CTNNA3: variants seen among roughly 807,000 people sequenced by gnomAD.
CTNNA3 encodes the protein catenin alpha 3.
In CTNNA3, 76 loss-of-function variants were observed where a neutral mutation model predicts 95.7. That is an observed-to-expected ratio of 0.79 (90% CI 0.66 to 0.96). The LOEUF (loss-of-function observed/expected upper bound fraction) is 0.96, where lower values mean the gene tolerates loss of function less well. Among genes scored for constraint, CTNNA3 ranks in the 40% least tolerant of loss-of-function variants. The probability of loss-of-function intolerance (pLI) is 0.00; values close to 1 mark genes in which losing one functional copy is unlikely to be tolerated. For missense variants in CTNNA3, 1,191 were observed against 1,089.8 expected (o/e 1.09, Z -1.31); for synonymous variants, 431 against 374.4 (o/e 1.15, Z -1.74).
Position 67,208,936 on chromosome 10 carries a change from T to C in CTNNA3, c.843+10671A>G, listed in dbSNP as rs182926201. On this transcript the variant is annotated intron_variant, in intron 6 of 17. Transcript: ENST00000433211. ...AGACAAATTGAATCAGAGTAGACAC[T>C]ATTAAAATAAAGAGGAACATTTTAT... 1.2e-4 allele frequency among the ~76,000 whole-genome samples: 19 copies of C among 152,258 alleles called. No individual in the cohort carries two copies. The East Asian group carries it at 3.1e-3, about 25-fold the overall frequency.
intron 15 of CTNNA3, among the ~76,000 whole-genome samples, chr10:66,048,601 A>G (rs924331270): frequency 2.0e-5 from 3 of 152,110 alleles, no homozygotes; most frequent in African/African-American, 4.8e-5. Context: ...TCTACTAAAA[A>G]TACAAAAAAA....
chr10:67,659,424 A>G (rs1253838342), intron 1 of CTNNA3, among the ~76,000 whole-genome samples: 1 of 152,256 alleles, frequency 6.6e-6, no homozygotes, highest in Non-Finnish European at 1.5e-5. Flanking sequence ...GAGAAAGAAC[A>G]GAAATGCCCC....
chr10:67,004,012 A>C (rs1178024087), intron 7 of CTNNA3, among the ~76,000 whole-genome samples: 1 of 152,072 alleles, frequency 6.6e-6, no homozygotes, highest in African/African-American at 2.4e-5. Context: ...ACAAATATTG[A>C]GTGGAGGTAA....
chr10:66,668,958 A>G (rs1475919931), intron 9 of CTNNA3, among the ~76,000 whole-genome samples: 1 of 152,168 alleles, frequency 6.6e-6, no homozygotes, highest in African/African-American at 2.4e-5. Context: ...TATCTAAATG[A>G]GCCATTTGTG....
chr10:67,021,825 AC>A, intron 7 of CTNNA3, among the ~76,000 whole-genome samples: 1 of 152,314 alleles, frequency 6.6e-6, no homozygotes, highest in East Asian at 1.9e-4. Flanking sequence ...GAAAGGAAGT[AC>A]TATAAAGGGA....
At chr10:67,239,202 C>T (rs1865619863) in intron 5 of CTNNA3, among the ~76,000 whole-genome samples, 1 of 151,920 alleles carries the variant, frequency 6.6e-6, no homozygotes, top group South Asian at 2.1e-4. Flanking sequence ...GCCCTGTTAC[C>T]CAGCTATTTC....
At chr10:67,684,921 T>G (rs868796442) in intron 1 of CTNNA3, among the ~76,000 whole-genome samples, 43 of 152,316 alleles carry the variant, frequency 2.8e-4, no homozygotes, top group Middle Eastern at 3.4e-3. Flanking sequence ...CAGAAGCCTT[T>G]TCCTGTAAAC....
chr10:66,231,742 A>G (rs2089600062), intron 13 of CTNNA3, among the ~76,000 whole-genome samples: 2 of 151,712 alleles, frequency 1.3e-5, no homozygotes, highest in South Asian at 4.1e-4. Flanking sequence ...ATGCAAAACT[A>G]AATAGACTAG....
intron 15 of CTNNA3, among the ~76,000 whole-genome samples, chr10:66,063,304 CTCTA>C (rs201937877): frequency 2.3e-4 from 30 of 129,298 alleles, no homozygotes; most frequent in Middle Eastern, 7.9e-3. Flanking sequence ...AAATCTCTCT[CTCTA>C]TATATATATA....
rs547958242 is a variant in CTNNA3, at chr10:66,165,216, A to G, written c.1885-61967T>C. On this transcript the variant is annotated intron_variant, in intron 13 of 17. Coordinates refer to ENST00000433211, the MANE Select transcript of CTNNA3 (RefSeq NM_013266.4). Reference sequence around the variant, plus strand: ...CACTTAAAAGTGAGAGCTAAATAATAGGTTTCATACAGCTAAAGAATGGGG... The same window carrying G: ...CACTTAAAAGTGAGAGCTAAATAATGGGTTTCATACAGCTAAAGAATGGGG... 9.2e-5 allele frequency among the ~76,000 whole-genome samples: 14 copies of G among 152,278 alleles called. No homozygotes were observed. The South Asian group carries it at 2.9e-3, about 32-fold the overall frequency.
At chr10:66,580,828 A>T (rs564173991) in intron 10 of CTNNA3, among the ~76,000 whole-genome samples, 1 of 151,838 alleles carries the variant, frequency 6.6e-6, no homozygotes, top group South Asian at 2.1e-4. Flanking sequence ...ATAATGGTGA[A>T]GTCTAGGATA....
intron 10 of CTNNA3, among the ~76,000 whole-genome samples, chr10:66,570,587 G>A (rs35485292): frequency 0.026 from 3,942 of 151,368 alleles, 230 homozygotes; most frequent in East Asian, 0.23. Flanking sequence ...GCACCCAGCC[G>A]ACAAAATATG....
At chr10:66,027,898 G>C (rs2079373209) in intron 15 of CTNNA3, among the ~76,000 whole-genome samples, 1 of 152,116 alleles carries the variant, frequency 6.6e-6, no homozygotes, top group Admixed American at 6.6e-5. Flanking sequence ...CATATTCTAA[G>C]AATTCTCTAA....
intron 5 of CTNNA3, among the ~76,000 whole-genome samples, chr10:67,469,865 G>A (rs1847750832): frequency 6.6e-6 from 1 of 151,948 alleles, no homozygotes; most frequent in Non-Finnish European, 1.5e-5. Context: ...TTTTGATACA[G>A]GCATGTAATG....
intron 5 of CTNNA3, among the ~76,000 whole-genome samples, chr10:67,457,879 TA>T (rs1847231460): frequency 6.6e-6 from 1 of 152,138 alleles, no homozygotes; most frequent in Non-Finnish European, 1.5e-5. Context: ...CCCACCCAGG[TA>T]ATCCAGGATC....
chr10:67,071,441 C>T (rs990084435), intron 7 of CTNNA3, among the ~76,000 whole-genome samples: 2 of 149,728 alleles, frequency 1.3e-5, no homozygotes, highest in African/African-American at 4.9e-5. Context: ...CACTACATTT[C>T]ATTTATCTTC....
chr10:67,360,313 C>T (rs1842951760), intron 5 of CTNNA3, among the ~76,000 whole-genome samples: 1 of 150,152 alleles, frequency 6.7e-6, no homozygotes, highest in African/African-American at 2.5e-5. Flanking sequence ...TACAAAGCTA[C>T]AAGCTAATAA....
chr10:66,923,207 G>A (rs1453322526), intron 7 of CTNNA3, among the ~76,000 whole-genome samples: 1 of 152,214 alleles, frequency 6.6e-6, no homozygotes, highest in African/African-American at 2.4e-5. Context: ...TAAGAGCAAT[G>A]TGTGTAACAC....
intron 5 of CTNNA3, among the ~76,000 whole-genome samples, chr10:67,295,889 A>C (rs1840011528): frequency 6.6e-6 from 1 of 152,208 alleles, no homozygotes; most frequent in South Asian, 2.1e-4. Context: ...ACAAAATGCT[A>C]TGCAACAGGC....
Sources: allele counts gnomAD v4.1 joint callset (sites outside exome capture counted in the v4.1 genomes callset), GRCh38; gene constraint gnomAD v4.1.1; transcripts MANE v1.5; gene names NCBI Gene and HGNC (gene_info 2026-07-23, HGNC 2026-07-21).